PAN3: variants seen among roughly 807,000 people sequenced by gnomAD.
PAN3 encodes the protein PAN2-PAN3 deadenylation complex subunit PAN3.
A neutral mutation model predicts 96.2 loss-of-function variants in PAN3; 19 were observed. The ratio of observed to expected loss-of-function variants is 0.20; its 90% CI spans 0.14 to 0.29. The LOEUF is 0.29. Ranked by LOEUF, PAN3 falls within the 10% of genes least tolerant of loss-of-function variation. The pLI is 1.00. For missense variants in PAN3, 882 were observed against 1,108.1 expected (o/e 0.80, Z 2.90); for synonymous variants, 433 against 406.6 (o/e 1.06, Z -0.78).
At chr13:28,153,984 T>G (rs1195926668) in intron 1 of PAN3, among the ~76,000 whole-genome samples, 1 of 152,240 alleles carries the variant, frequency 6.6e-6, no homozygotes, top group Non-Finnish European at 1.5e-5. Flanking sequence ...TATTGCTTTA[T>G]TGGCAGCTTT....
upstream of PAN3, chr13:28,138,408 T>G: frequency 4.1e-5 from 9 of 217,852 alleles, no homozygotes; most frequent in South Asian, 1.8e-4. Context: ...CGCGGCCCCT[T>G]TAAGAAAAGA....
chr13:28,189,474 C>A (rs1298417177), intron 4 of PAN3, among the ~76,000 whole-genome samples: 3 of 152,010 alleles, frequency 2.0e-5, no homozygotes, highest in African/African-American at 7.3e-5. Flanking sequence ...CGAGATCATG[C>A]CACTGCACTC....
chr13:28,257,773 A>G (rs974695441), intron 7 of PAN3, among the ~76,000 whole-genome samples: 2 of 139,878 alleles, frequency 1.4e-5, no homozygotes, highest in Admixed American at 7.7e-5. Flanking sequence ...TATATTATAT[A>G]TAAATTATAT....
chr13:28,247,816 C>T lies in PAN3; in HGVS notation c.1001-8476C>T, dbSNP rs550283729. Among the ~76,000 whole-genome samples the T allele has an allele frequency of 2.5e-3, 387 of 152,166 alleles. 2 individuals are homozygous for T. Among genetic ancestry groups the T allele is most frequent in the African/African-American group, 8.6e-3 (357 of 41,538 alleles). On this transcript the variant is annotated intron_variant, in intron 6 of 18. Coordinates refer to ENST00000380958, the MANE Select transcript of PAN3 (RefSeq NM_175854.8). The stretch of plus-strand genomic sequence containing the variant: ...TTTTTATGCAGGTACCATACTGTTT[C>T]GGTTACTGTGACTTTGTAATATATT...
intron 13 of PAN3, among the ~76,000 whole-genome samples, chr13:28,271,315 A>C (rs1177724387): frequency 2.0e-5 from 3 of 152,162 alleles, no homozygotes; most frequent in Non-Finnish European, 4.4e-5. Flanking sequence ...CTGTTGAGTC[A>C]CATGCTTTGA....
intron 6 of PAN3, among the ~76,000 whole-genome samples, chr13:28,254,962 T>C (rs1344606206): frequency 6.6e-6 from 1 of 152,114 alleles, no homozygotes; most frequent in African/African-American, 2.4e-5. Flanking sequence ...GAAATAATTA[T>C]GTTGAGGCTC....
Position 28,295,271 on chromosome 13 carries a change from C to G in PAN3, c.*2749C>G, listed in dbSNP as rs1870180941. ...TCATGACCCAATTTGTGTTATTCAT[C>G]TTTAATCCTGTTTTCAGTCTCTATG... is the stretch of plus-strand genomic sequence containing the variant. On this transcript the variant is annotated 3_prime_UTR_variant, in exon 19 of 19. Coordinates refer to ENST00000380958, the MANE Select transcript of PAN3 (RefSeq NM_175854.8). 6.6e-6 allele frequency: 1 copy of G among 152,168 alleles called. No homozygotes were observed. The highest frequency in any genetic ancestry group is 6.5e-5 in the Admixed American group (1 of 15,270). The allele number at this position is 152,168 out of a possible 1,614,324, so 9.4% of individuals were successfully genotyped here. A position where few individuals can be genotyped will look rare whatever the true frequency, so the allele number is the denominator to read the frequency against.
chr13:28,287,131 C>T (rs1869088492), intron 17 of PAN3, among the ~76,000 whole-genome samples: 1 of 152,122 alleles, frequency 6.6e-6, no homozygotes, highest in African/African-American at 2.4e-5. Context: ...CATGCAAATA[C>T]CGATCTCTGA....
At chr13:28,232,118 A>G (rs1314717519) in intron 6 of PAN3, among the ~76,000 whole-genome samples, 1 of 152,186 alleles carries the variant, frequency 6.6e-6, no homozygotes, top group Non-Finnish European at 1.5e-5. Flanking sequence ...AAAAAAATGA[A>G]AAAGAATACT....
At chr13:28,291,090 AAG>A (rs1428945780) in intron 18 of PAN3, among the ~76,000 whole-genome samples, 1 of 152,190 alleles carries the variant, frequency 6.6e-6, no homozygotes, top group Non-Finnish European at 1.5e-5. Flanking sequence ...TAAGTTTGAA[AAG>A]AGTGTGATAA....
chr13:28,216,333 G>A (rs1189198235), intron 5 of PAN3, among the ~76,000 whole-genome samples: 1 of 152,130 alleles, frequency 6.6e-6, no homozygotes, highest in East Asian at 1.9e-4. Flanking sequence ...AGAGAGCAGA[G>A]AGGGGTGGAA....
chr13:28,263,399 C>T (rs759110464), intron 9 of PAN3, among the ~76,000 whole-genome samples: 24 of 152,334 alleles, frequency 1.6e-4, no homozygotes, highest in Middle Eastern at 3.4e-3. Context: ...GTGGCGTGAT[C>T]GCAGCTCACT....
chr13:28,230,634 A>G (rs1882446616), intron 6 of PAN3, among the ~76,000 whole-genome samples: 1 of 152,236 alleles, frequency 6.6e-6, no homozygotes, highest in South Asian at 2.1e-4. Context: ...TGATTCAACC[A>G]CAGTTTTCTG....
Position 28,139,076 on chromosome 13 carries a change from C to A in PAN3, c.419C>A (p.Pro140Gln). Residue 140 changes from proline (P) to glutamine (Q), a missense_variant, in exon 1 of 19, where the codon CCG becomes CAG. This residue lies in a region of PAN3 where 442 missense variants were observed against 422.8 expected (regional missense o/e 1.05). Transcript: ENST00000380958. ...GGGSSGGLDG[P>Q]RLAIPGMDGG... ...GGCAGTAGCGGGGGACTCGATGGACCGCGGCTGGCAAGTGAGTGTTTTTCG... is the reference window on the plus strand; with the variant it reads ...GGCAGTAGCGGGGGACTCGATGGACAGCGGCTGGCAAGTGAGTGTTTTTCG... 7.9e-7 allele frequency: 1 copy of A among 1,267,282 alleles called. No homozygotes were observed. The highest frequency in any genetic ancestry group is 4.2e-5 in the Admixed American group (1 of 23,724). 78.5% of individuals were successfully genotyped at this position (1,267,282 alleles called of 1,614,324 possible).
chr13:28,237,062 C>G (rs1240349416), intron 6 of PAN3, among the ~76,000 whole-genome samples: 1 of 151,954 alleles, frequency 6.6e-6, no homozygotes, highest in Non-Finnish European at 1.5e-5. Flanking sequence ...TGTGGAGTTT[C>G]TTTTTATCTT....
chr13:28,188,189 A>G (rs773382663), intron 4 of PAN3, among the ~76,000 whole-genome samples: 1 of 152,212 alleles, frequency 6.6e-6, no homozygotes, highest in Non-Finnish European at 1.5e-5. Context: ...GGTCTTAGGT[A>G]CATCAATTGA....
Position 28,259,955 on chromosome 13 carries a change from A to G in PAN3, c.1249-492A>G, listed in dbSNP as rs188636230. On this transcript the variant is annotated intron_variant, in intron 7 of 18. Coordinates refer to ENST00000380958, the MANE Select transcript of PAN3 (RefSeq NM_175854.8). ...GCCTGGCCGAAATATTATTTTTAAT[A>G]TGAATTCTTTCAGAAAGTATTCTCT... Among the ~76,000 whole-genome samples, 244 of 152,260 alleles carry G rather than the reference A, an allele frequency of 1.6e-3. 1 individual carries two copies. The highest frequency in any genetic ancestry group is 2.9e-3 in the South Asian group (14 of 4,824).
At chr13:28,216,261 TA>T (rs1209159519) in intron 5 of PAN3, among the ~76,000 whole-genome samples, 2 of 151,680 alleles carry the variant, frequency 1.3e-5, no homozygotes, top group Non-Finnish European at 2.9e-5. Context: ...GTGAAATTTT[TA>T]AAAATGCAGA....
In PAN3 at chr13:28,220,286, T is replaced by C. The variant is rs1222984809; in HGVS notation, c.908T>C (p.Leu303Pro). The C allele has an allele frequency of 6.2e-7, 1 of 1,613,882 alleles. No individual in the cohort carries two copies. The highest frequency in any genetic ancestry group is 1.7e-5 in the Admixed American group (1 of 60,008). Residue 303 changes from leucine to proline, a missense_variant, in exon 6 of 19, where the codon CTG becomes CCG. Coordinates refer to ENST00000380958, the MANE Select transcript of PAN3 (RefSeq NM_175854.8). ...FIPKGGSTSR[L>P]SNVSQSNMSA... Reference sequence around the variant, plus strand: ...CCTAAAGGAGGATCAACCTCCAGGCTGAGTAACGTGTCCCAGTCAAATATG... The same window carrying C: ...CCTAAAGGAGGATCAACCTCCAGGCCGAGTAACGTGTCCCAGTCAAATATG...
Sources: gnomAD v4.1 joint callset for allele counts (sites outside exome capture counted in the v4.1 genomes callset) on GRCh38, gnomAD v4.1.1 for gene constraint, gnomAD v4.1.1 regional missense constraint, MANE v1.5 for transcripts, NCBI Gene and HGNC (gene_info 2026-07-23, HGNC 2026-07-21) for gene names.